NDRG4: variants seen among roughly 807,000 people sequenced by gnomAD.
NDRG4 encodes NDRG family member 4.
NDRG4 carries 38 observed loss-of-function variants against 55.8 expected under a neutral mutation model. That is an observed-to-expected ratio of 0.68 (90% CI 0.53 to 0.89). NDRG4 has a LOEUF of 0.89. Among genes scored for constraint, NDRG4 ranks in the 40% least tolerant of loss-of-function variants. The probability of loss-of-function intolerance (pLI) is 0.00; values close to 1 mark genes in which losing one functional copy is unlikely to be tolerated. For missense variants in NDRG4, 455 were observed against 468.6 expected (o/e 0.97, Z 0.27); for synonymous variants, 190 against 182.7 (o/e 1.04, Z -0.32).
intron 13 of NDRG4, 39 bp downstream of exon 13, chr16:58,509,391 C>G: frequency 6.2e-7 from 1 of 1,603,416 alleles, no homozygotes. Context: ...CACCTAGAGA[C>G]CGGTGGGCAG....
chr16:58,464,677 G>A lies in NDRG4; in HGVS notation c.-24+880G>A. 1 of 1,097,212 alleles carries A rather than the reference G, an allele frequency of 9.1e-7. No individual in the cohort carries two copies. The highest frequency in any genetic ancestry group is 1.2e-6 in the Non-Finnish European group (1 of 851,872). The allele number at this position is 1,097,212 out of a possible 1,614,324, so 68.0% of individuals were successfully genotyped here. On this transcript the variant is annotated intron_variant, in intron 1 of 15. Coordinates refer to the NDRG4 transcript ENST00000258187. The surrounding 1 kb of genome is among the most constrained non-coding windows in gnomAD (Gnocchi z 4.8). ...GCGAGTCCCTGGCGCTGGCGTCCGG[G>A]CTGCGGGAGCACCGGTCAGGGGGTG...
intron 1 of NDRG4, chr16:58,472,321 G>A (rs1035274906): frequency 2.0e-5 from 3 of 152,288 alleles, no homozygotes; most frequent in African/African-American, 7.2e-5. Context: ...GGATGACCAG[G>A]GTGGCCTGGG....
chr16:58,479,964 A>G (rs2034198650), intron 1 of NDRG4, among the ~76,000 whole-genome samples: 1 of 152,152 alleles, frequency 6.6e-6, no homozygotes, highest in African/African-American at 2.4e-5. Flanking sequence ...GAGCCCTAGA[A>G]TGGGAGTGCT....
intron 1 of NDRG4, among the ~76,000 whole-genome samples, chr16:58,468,676 G>A (rs528904817): frequency 6.6e-6 from 1 of 152,252 alleles, no homozygotes; most frequent in African/African-American, 2.4e-5. Context: ...AGCTGAGATT[G>A]CACCACTGCC....
chr16:58,475,221 G>A (rs2033455177), intron 1 of NDRG4, among the ~76,000 whole-genome samples: 1 of 152,192 alleles, frequency 6.6e-6, no homozygotes, highest in Non-Finnish European at 1.5e-5. Context: ...TGAGGCACCC[G>A]TGTAAAAGAA....
intron 1 of NDRG4, among the ~76,000 whole-genome samples, chr16:58,478,694 TTTG>T (rs1177844844): frequency 7.4e-5 from 1 of 13,486 alleles, no homozygotes; most frequent in Non-Finnish European, 1.2e-4. Flanking sequence ...TTTTTTGTTT[TTTG>T]TTTTTTTTTT....
intron 1 of NDRG4, chr16:58,501,052 G>A: frequency 8.1e-7 from 1 of 1,238,302 alleles, no homozygotes; most frequent in Non-Finnish European, 1.0e-6. Context: ...TGGAGCCCAG[G>A]GCACCTCCTC....
chr16:58,476,171 A>G (rs527451232), intron 1 of NDRG4, among the ~76,000 whole-genome samples: 1 of 152,352 alleles, frequency 6.6e-6, no homozygotes, highest in South Asian at 2.1e-4. Context: ...ACATCACGTC[A>G]TCATAAACAA....
At chr16:58,476,732 C>T (rs962878840) in intron 1 of NDRG4, among the ~76,000 whole-genome samples, 3 of 152,068 alleles carry the variant, frequency 2.0e-5, no homozygotes, top group Non-Finnish European at 4.4e-5. Flanking sequence ...ATTAAAAACT[C>T]CATGATAGAG....
intron 5 of NDRG4, chr16:58,506,050 A>C (rs1015532218): frequency 3.6e-5 from 16 of 441,040 alleles, no homozygotes; most frequent in Non-Finnish European, 6.7e-5. Context: ...AAAGCAAAAA[A>C]ACAACATGCT....
chr16:58,465,457 G>C (rs560397354), intron 1 of NDRG4, among the ~76,000 whole-genome samples: 1 of 151,672 alleles, frequency 6.6e-6, no homozygotes, highest in East Asian at 2.0e-4. Context: ...ATGGGTTCAG[G>C]ATCAAGGGAA....
At chr16:58,474,798 T>C (rs9941310) in intron 1 of NDRG4, among the ~76,000 whole-genome samples, 77 of 152,250 alleles carry the variant, frequency 5.1e-4, no homozygotes, top group African/African-American at 1.3e-3. Context: ...CCAAACCACA[T>C]GTACTGAGAA....
intron 1 of NDRG4, among the ~76,000 whole-genome samples, chr16:58,481,937 C>T (rs770574157): frequency 1.4e-4 from 21 of 152,096 alleles, no homozygotes; most frequent in Non-Finnish European, 2.2e-4. Context: ...CCCCAATTTC[C>T]GGGGTCCCAG....
chr16:58,480,871 G>T (rs949282122), intron 1 of NDRG4, among the ~76,000 whole-genome samples: 4 of 152,150 alleles, frequency 2.6e-5, no homozygotes, highest in Non-Finnish European at 5.9e-5. Context: ...AGCTGGGCGT[G>T]GTGGCAGAAG....
chr16:58,476,783 C>T (rs1432703037), intron 1 of NDRG4, among the ~76,000 whole-genome samples: 1 of 152,092 alleles, frequency 6.6e-6, no homozygotes, highest in African/African-American at 2.4e-5. Context: ...AAAGGAATAC[C>T]TTAAACAATT....
At position 58,503,873 on chromosome 16, in the gene NDRG4, A is replaced by G. The variant is rs72790250; in HGVS notation, c.97A>G (p.Ile33Val). 3,404 of 1,613,814 alleles carry G rather than the reference A, an allele frequency of 2.1e-3. 6 individuals carry two copies. Among genetic ancestry groups the G allele is most frequent in the Non-Finnish European group, 2.7e-3 (3,161 of 1,179,944 alleles). The change falls in exon 2 of 15, where the codon ATC (isoleucine) becomes GTC (valine). Residue 33 changes from isoleucine (I) to valine (V), a missense_variant. Physicochemically the swap from Ile to Val is conservative, Grantham distance 29. Coordinates refer to ENST00000570248, the MANE Select transcript of NDRG4 (RefSeq NM_001242835.2). ...RGSPKGNRPA[I>V]LTYHDVGLNH... ...CTCCCCCAAGGGGAACCGCCCAGCCATCCTCACCTACCATGATGTGGGCCT... is the reference window on the plus strand; with the variant it reads ...CTCCCCCAAGGGGAACCGCCCAGCCGTCCTCACCTACCATGATGTGGGCCT...
At chr16:58,466,115 C>T (rs761990513) in intron 1 of NDRG4, among the ~76,000 whole-genome samples, 2 of 152,240 alleles carry the variant, frequency 1.3e-5, no homozygotes, top group Non-Finnish European at 1.5e-5. Flanking sequence ...CTCCCAGGAT[C>T]AAGGGATTCT....
chr16:58,506,387 C>T lies in NDRG4; in HGVS notation c.373C>T (p.Leu125Phe), dbSNP rs1181286162. 6.2e-7 allele frequency: 1 copy of T among 1,613,904 alleles called. No individual in the cohort carries two copies. Among genetic ancestry groups the T allele is most frequent in the Non-Finnish European group, 8.5e-7 (1 of 1,179,992 alleles). ...AGAYVLAKFA[L>F]IFPDLVEGLV... ...GGCCCTGTTTCCCCTCTTACTGCAGCTCATCTTCCCCGACCTGGTGGAGGG... is the reference window on the plus strand; with the variant it reads ...GGCCCTGTTTCCCCTCTTACTGCAGTTCATCTTCCCCGACCTGGTGGAGGG... The change falls in exon 6 of 15, where the codon CTC becomes TTC. Residue 125 changes from leucine to phenylalanine, a missense_variant and splice_region_variant. Coordinates refer to ENST00000570248, the MANE Select transcript of NDRG4 (RefSeq NM_001242835.2).
chr16:58,477,981 A>AC (rs1345758665), intron 1 of NDRG4, among the ~76,000 whole-genome samples: 1 of 152,120 alleles, frequency 6.6e-6, no homozygotes, highest in Non-Finnish European at 1.5e-5. Context: ...TGAGAAGGGC[A>AC]CCTCCTTCTG....
Sources: allele counts gnomAD v4.1 joint callset (sites outside exome capture counted in the v4.1 genomes callset), GRCh38; gene constraint gnomAD v4.1.1; non-coding constraint Gnocchi (gnomAD v3.1); transcripts MANE v1.5; gene names NCBI Gene and HGNC (gene_info 2026-07-23, HGNC 2026-07-21).